The following IL23R variants were observed in gnomAD, a reference collection of about 807,000 sequenced individuals.
IL23R encodes interleukin-23 receptor.
A neutral mutation model predicts 56.9 loss-of-function variants in IL23R; 34 were observed. That is an observed-to-expected ratio of 0.60 (90% CI 0.45 to 0.80). IL23R has a LOEUF of 0.80. Among genes scored for constraint, IL23R ranks in the 30% least tolerant of loss-of-function variants. The pLI, the probability that IL23R is intolerant of heterozygous loss-of-function variation, is 0.00. For synonymous variants in IL23R, 230 were observed against 249.2 expected, an observed-to-expected ratio of 0.92 and a Z score of 0.73; for missense variants, 635 against 730.0, an observed-to-expected ratio of 0.87 and a Z score of 1.50.
At chr1:67,195,002 TC>T (rs1232551105) in intron 4 of IL23R, among the ~76,000 whole-genome samples, 1 of 152,270 alleles carries the variant, frequency 6.6e-6, no homozygotes, top group African/African-American at 2.4e-5. Context: ...TCATTTGTAT[TC>T]TTTAGAATGT....
chr1:67,157,486 C>T (rs115595860), intron 1 of IL23R, among the ~76,000 whole-genome samples: 3,155 of 152,316 alleles, frequency 0.021, 102 homozygotes, highest in African/African-American at 0.072. Context: ...CCCTACACAA[C>T]TGTCCACTAC....
intron 4 of IL23R, among the ~76,000 whole-genome samples, chr1:67,199,370 T>A (rs959547769): frequency 6.6e-6 from 1 of 152,094 alleles, no homozygotes; most frequent in African/African-American, 2.4e-5. Context: ...TCCTGACTCC[T>A]CCCCACCACT....
intron 1 of IL23R, among the ~76,000 whole-genome samples, chr1:67,158,439 T>C (rs1382090204): frequency 6.6e-6 from 1 of 152,144 alleles, no homozygotes; most frequent in African/African-American, 2.4e-5. Flanking sequence ...CCATAGGCAA[T>C]GTGCCCAGAG....
At chr1:67,178,380 A>T (rs1290733909) in intron 3 of IL23R, among the ~76,000 whole-genome samples, 1 of 152,184 alleles carries the variant, frequency 6.6e-6, no homozygotes, top group Non-Finnish European at 1.5e-5. Context: ...CTTTGAAGCA[A>T]TTGTGAATGG....
At chr1:67,181,412 C>T (rs940432051) in intron 3 of IL23R, among the ~76,000 whole-genome samples, 3 of 152,146 alleles carry the variant, frequency 2.0e-5, no homozygotes, top group Non-Finnish European at 4.4e-5. Flanking sequence ...CCCTGTCTTC[C>T]AGTTGATCGA....
At chr1:67,216,148 C>G (rs1015958237) in intron 6 of IL23R, among the ~76,000 whole-genome samples, 14 of 152,198 alleles carry the variant, frequency 9.2e-5, no homozygotes, top group Non-Finnish European at 1.6e-4. Flanking sequence ...CAATCCACAC[C>G]TACTTCCGTA....
chr1:67,223,609 A>C (rs551305181), intron 7 of IL23R, among the ~76,000 whole-genome samples: 1 of 152,148 alleles, frequency 6.6e-6, no homozygotes, highest in Non-Finnish European at 1.5e-5. Context: ...TGCAACCTAA[A>C]AACATCCACT....
At chr1:67,260,851 C>T (rs542760926), downstream of IL23R, among the ~76,000 whole-genome samples, 12 of 152,088 alleles carry the variant, frequency 7.9e-5, no homozygotes, top group South Asian at 2.5e-3. Flanking sequence ...GCGCTATGAT[C>T]AATGATCATG....
At chr1:67,246,999 T>A (rs1652268767) in intron 9 of IL23R, among the ~76,000 whole-genome samples, 1 of 152,222 alleles carries the variant, frequency 6.6e-6, no homozygotes, top group Non-Finnish European at 1.5e-5. Context: ...GATGCTTCTG[T>A]ATTGGGTGCA....
At chr1:67,202,855 G>A (rs544350389) in intron 5 of IL23R, among the ~76,000 whole-genome samples, 6 of 152,098 alleles carry the variant, frequency 3.9e-5, no homozygotes, top group African/African-American at 1.4e-4. Flanking sequence ...TATTTCAGGC[G>A]TGAGCCACCA....
At chr1:67,215,428 C>T (rs1649770249) in intron 6 of IL23R, among the ~76,000 whole-genome samples, 1 of 152,202 alleles carries the variant, frequency 6.6e-6, no homozygotes, top group South Asian at 2.1e-4. Flanking sequence ...CATCAACAGG[C>T]TAGCCTGGGC....
At chr1:67,185,067 C>A (rs1401019163) in intron 4 of IL23R, among the ~76,000 whole-genome samples, 1 of 152,214 alleles carries the variant, frequency 6.6e-6, no homozygotes, top group Non-Finnish European at 1.5e-5. Context: ...GACTTCCAAG[C>A]CTCCAGAACT....
intron 9 of IL23R, among the ~76,000 whole-genome samples, chr1:67,249,137 A>G (rs1245777532): frequency 6.6e-6 from 1 of 152,032 alleles, no homozygotes; most frequent in Non-Finnish European, 1.5e-5. Context: ...CAGCATGCTG[A>G]TTTTTCACGC....
At chr1:67,171,240 G>C (rs969312628) in intron 3 of IL23R, among the ~76,000 whole-genome samples, 4 of 152,116 alleles carry the variant, frequency 2.6e-5, no homozygotes, top group Admixed American at 6.5e-5. Flanking sequence ...GTTAATTTAA[G>C]CCAGAGGAAA....
At chr1:67,157,088 G>A (rs1054791570) in intron 1 of IL23R, among the ~76,000 whole-genome samples, 2 of 152,066 alleles carry the variant, frequency 1.3e-5, no homozygotes, top group African/African-American at 4.8e-5. Context: ...TTGAAGCGAC[G>A]CCCCACCCTG....
intron 1 of IL23R, among the ~76,000 whole-genome samples, chr1:67,152,472 C>T (rs576137670): frequency 1.1e-4 from 16 of 152,274 alleles, no homozygotes; most frequent in African/African-American, 3.8e-4. Flanking sequence ...TTTCCCTGGC[C>T]AGAACTTCCA....
chr1:67,243,132 C>T (rs903113318), intron 9 of IL23R, among the ~76,000 whole-genome samples: 1 of 152,114 alleles, frequency 6.6e-6, no homozygotes, highest in Non-Finnish European at 1.5e-5. Context: ...TCTTGGTTCT[C>T]CACGAGTCCA....
chr1:67,256,844 T>A (rs904339361), intron 10 of IL23R, among the ~76,000 whole-genome samples: 2 of 152,198 alleles, frequency 1.3e-5, no homozygotes, highest in African/African-American at 4.8e-5. Context: ...CCCAACCTCA[T>A]GTCATCTGAA....
chr1:67,234,565 A>C (rs1327497543), intron 7 of IL23R, among the ~76,000 whole-genome samples: 1 of 152,206 alleles, frequency 6.6e-6, no homozygotes, highest in Non-Finnish European at 1.5e-5. Context: ...AAAGCCAACA[A>C]CACCATATAT....
Sources: gnomAD v4.1 joint callset for allele counts (sites outside exome capture counted in the v4.1 genomes callset) on GRCh38, gnomAD v4.1.1 for gene constraint, MANE v1.5 for transcripts, NCBI Gene and HGNC (gene_info 2026-07-23, HGNC 2026-07-21) for gene names.